Variants in DMD observed in about 807,000 individuals in gnomAD.
DMD encodes dystrophin.
DMD carries 63 observed loss-of-function variants against 330.1 expected under a neutral mutation model. The observed-to-expected ratio is 0.19, with a 90% confidence interval of 0.16 to 0.24. The LOEUF (loss-of-function observed/expected upper bound fraction) is 0.24, where lower values mean the gene tolerates loss of function less well. Ranked by LOEUF, DMD falls within the 10% of genes least tolerant of loss-of-function variation. DMD has a pLI of 1.00. For synonymous variants in DMD, 1,223 were observed against 959.8 expected (o/e 1.27, Z -5.07); for missense variants, 3,344 against 2,684.1 (o/e 1.25, Z -5.43).
intron 1 of DMD, among the ~76,000 whole-genome samples, chrX:33,081,009 A>AC (rs1475097752): frequency 6.4e-4 from 56 of 88,074 alleles, no homozygotes; most frequent in Non-Finnish European, 6.6e-4. Context: ...CACACACACA[A>AC]AAACACATGT....
At chrX:31,349,513 A>C (rs556745611) in intron 60 of DMD, among the ~76,000 whole-genome samples, 4 of 112,620 alleles carry the variant, frequency 3.6e-5, no homozygotes, top group African/African-American at 1.3e-4. Flanking sequence ...AATTTTCGGA[A>C]TTCAGTTTTC....
rs778497851 is a variant in DMD, at chrX:32,866,684, A to G, written c.94-16864T>C. 3.6e-4 allele frequency among the ~76,000 whole-genome samples: 33 copies of G among 91,261 alleles called. 1 individual carries two copies. The South Asian group carries it at 0.017, about 47-fold the overall frequency. The allele number at this position is 91,261 out of a possible 115,157, so 79.2% of individuals were successfully genotyped here. A position where few individuals can be genotyped will look rare whatever the true frequency, so the allele number is the denominator to read the frequency against. On this transcript the variant is annotated intron_variant, in intron 2 of 78. Transcript: ENST00000357033. ...TCAGTTTCATAGAAATTTTTTAAATACAGTGTCAACCTTAATATATACATA... is the reference window on the plus strand; with the variant it reads ...TCAGTTTCATAGAAATTTTTTAAATGCAGTGTCAACCTTAATATATACATA...
upstream of DMD, among the ~76,000 whole-genome samples, chrX:33,215,948 G>C (rs1163145844): frequency 8.9e-6 from 1 of 111,906 alleles, no homozygotes; most frequent in Non-Finnish European, 1.9e-5. Flanking sequence ...CTTGAAGTCA[G>C]GTAGTGTGAT....
Position 31,861,996 on chromosome X carries a change from G to A in DMD, c.7098+13192C>T, listed in dbSNP as rs138785055. Among the ~76,000 whole-genome samples, 439 of 106,954 alleles carry A rather than the reference G, an allele frequency of 4.1e-3. 2 individuals are homozygous for A. Among genetic ancestry groups the A allele is most frequent in the African/African-American group, 0.013 (386 of 29,045 alleles). 92.9% of individuals were successfully genotyped at this position (106,954 alleles called of 115,157 possible). A position where few individuals can be genotyped will look rare whatever the true frequency, so the allele number is the denominator to read the frequency against. ...ACACACCTACATCCTATTCTTGGAA[G>A]GCTACCCAGGAAACTGAAAACCTTG... On this transcript the variant is annotated intron_variant, in intron 48 of 78. Coordinates refer to ENST00000357033, the MANE Select transcript of DMD (RefSeq NM_004006.3).
At chrX:32,996,041 T>A (rs1407726276) in intron 2 of DMD, among the ~76,000 whole-genome samples, 2 of 112,230 alleles carry the variant, frequency 1.8e-5, no homozygotes, top group African/African-American at 6.5e-5. Context: ...AAGGTCATTT[T>A]CTTTCCAAGT....
At chrX:31,473,720 A>AAAAAAAAAAAAAAAAAAAG (rs1310270784) in intron 59 of DMD, among the ~76,000 whole-genome samples, 17 of 104,370 alleles carry the variant, frequency 1.6e-4, no homozygotes, top group African/African-American at 6.1e-4. Flanking sequence ...TCAAAAAAAA[A>AAAAAAAAAAAAAAAAAAAG]AAAAAAAAGA....
At chrX:32,935,361 CACA>C (rs987167673) in intron 2 of DMD, among the ~76,000 whole-genome samples, 2 of 112,210 alleles carry the variant, frequency 1.8e-5, no homozygotes, top group Non-Finnish European at 3.8e-5. Context: ...GCTTTGATGC[CACA>C]ACAACATAGT....
chrX:31,612,782 T>TACTTTA (rs2077995721), intron 55 of DMD, among the ~76,000 whole-genome samples: 1 of 112,481 alleles, frequency 8.9e-6, no homozygotes, highest in Middle Eastern at 4.2e-3. Context: ...TATGTTGCTA[T>TACTTTA]TCGAGAGGTA....
intron 7 of DMD, among the ~76,000 whole-genome samples, chrX:32,724,263 G>A (rs1051832479): frequency 9.0e-6 from 1 of 111,300 alleles, no homozygotes; most frequent in African/African-American, 3.3e-5. Context: ...GAAACTAAAC[G>A]AGGTGAATAA....
intron 7 of DMD, among the ~76,000 whole-genome samples, chrX:32,743,562 A>C (rs1271505246): frequency 9.0e-6 from 1 of 111,191 alleles, no homozygotes; most frequent in Non-Finnish European, 1.9e-5. Context: ...TGAGTGTTAG[A>C]ATGTTGTTGG....
chrX:31,317,832 G>A (rs1222900579), intron 62 of DMD, among the ~76,000 whole-genome samples: 1 of 111,597 alleles, frequency 9.0e-6, no homozygotes, highest in Non-Finnish European at 1.9e-5. Flanking sequence ...TTTCTATGTT[G>A]ATATCATACT....
chrX:32,444,196 T>C (rs900523580), intron 27 of DMD, among the ~76,000 whole-genome samples: 2 of 110,391 alleles, frequency 1.8e-5, no homozygotes, highest in Non-Finnish European at 1.9e-5. Flanking sequence ...TCCCTAGCCA[T>C]TGGAATATTA....
At chrX:31,525,822 C>T (rs752041509) in intron 55 of DMD, among the ~76,000 whole-genome samples, 13 of 112,689 alleles carry the variant, frequency 1.2e-4, no homozygotes, top group South Asian at 3.6e-4. Context: ...GAAAGTTTGA[C>T]TTCACTGTAA....
At chrX:32,291,927 T>C (rs923163327) in intron 42 of DMD, among the ~76,000 whole-genome samples, 8 of 111,914 alleles carry the variant, frequency 7.1e-5, no homozygotes, top group Non-Finnish European at 9.4e-5. Flanking sequence ...ATGGCAAGCG[T>C]ACCTTGGAGT....
At chrX:31,968,648 C>G in intron 44 of DMD, 134 bp from the exon 45 acceptor site, 1 of 712,009 alleles carries the variant, frequency 1.4e-6, no homozygotes, top group East Asian at 3.5e-5. Flanking sequence ...TGAAAATTTC[C>G]CTATGAAACT....
intron 44 of DMD, among the ~76,000 whole-genome samples, chrX:32,081,387 G>T (rs1484983441): frequency 9.0e-6 from 1 of 111,424 alleles, no homozygotes; most frequent in Non-Finnish European, 1.9e-5. Flanking sequence ...AAACTGTTTG[G>T]GTTGACTGTC....
chrX:31,149,069 C>T (rs1427846273), intron 74 of DMD, among the ~76,000 whole-genome samples: 3 of 112,194 alleles, frequency 2.7e-5, no homozygotes, highest in African/African-American at 9.7e-5. Context: ...TCTTTTCTTA[C>T]ACCTACATTT....
Position 31,660,283 on chromosome X carries a change from T to C in DMD, c.7873-2139A>G, listed in dbSNP as rs1278358602. On this transcript the variant is annotated intron_variant, in intron 53 of 78. Coordinates refer to ENST00000357033, the MANE Select transcript of DMD (RefSeq NM_004006.3). The stretch of plus-strand genomic sequence containing the variant: ...TCCTTTTATCAAGCATTACAGTTTC[T>C]ATTCTCCACTTTTCAGATCCTCGCA... 4.6e-4 allele frequency among the ~76,000 whole-genome samples: 52 copies of C among 112,243 alleles called. 3 individuals carry two copies.
intron 1 of DMD, among the ~76,000 whole-genome samples, chrX:33,119,219 T>C (rs1473342640): frequency 3.6e-5 from 4 of 112,419 alleles, no homozygotes; most frequent in Non-Finnish European, 7.5e-5. Context: ...AAATATGTCA[T>C]ATATGTCATA....
Sources: allele counts gnomAD v4.1 joint callset (sites outside exome capture counted in the v4.1 genomes callset), GRCh38; gene constraint gnomAD v4.1.1; transcripts MANE v1.5; gene names NCBI Gene and HGNC (gene_info 2026-07-23, HGNC 2026-07-21).